Variants in EPHA7 observed in about 807,000 individuals in gnomAD.
The protein encoded by EPHA7 is EPH receptor A7.
In EPHA7, 25 loss-of-function variants were observed where a neutral mutation model predicts 112.6. The ratio of observed to expected loss-of-function variants is 0.22; its 90% confidence interval spans 0.16 to 0.31. The LOEUF (loss-of-function observed/expected upper bound fraction) is 0.31. EPHA7 is among the 10% of genes least tolerant of loss of function. The pLI is 1.00. For synonymous variants in EPHA7, 437 were observed against 406.5 expected, an observed-to-expected ratio of 1.07 and a Z score of -0.90; for missense variants, 962 against 1,212.6, an observed-to-expected ratio of 0.79 and a Z score of 3.07.
At chr6:93,395,847 A>C (rs1319809917) in intron 3 of EPHA7, among the ~76,000 whole-genome samples, 1 of 151,796 alleles carries the variant, frequency 6.6e-6, no homozygotes, top group Non-Finnish European at 1.5e-5. Context: ...TCTCCTCTGA[A>C]AGTGTCATAG....
At chr6:93,279,179 C>A (rs773549633) in intron 5 of EPHA7, among the ~76,000 whole-genome samples, 5 of 152,138 alleles carry the variant, frequency 3.3e-5, no homozygotes, top group Non-Finnish European at 7.4e-5. Context: ...AGCAACCACT[C>A]TTAGCAATTT....
At chr6:93,306,261 T>C (rs1773252649) in intron 5 of EPHA7, among the ~76,000 whole-genome samples, 1 of 151,980 alleles carries the variant, frequency 6.6e-6, no homozygotes, top group South Asian at 2.1e-4. Context: ...ATTGAGAAGT[T>C]TACATTTTAT....
At chr6:93,293,586 C>G (rs138533516) in intron 5 of EPHA7, among the ~76,000 whole-genome samples, 83 of 152,198 alleles carry the variant, frequency 5.5e-4, no homozygotes, top group African/African-American at 1.8e-3. Flanking sequence ...ACACTGGTAT[C>G]AAACAACTTT....
At chr6:93,354,721 C>T (rs569382412) in intron 5 of EPHA7, among the ~76,000 whole-genome samples, 9 of 150,950 alleles carry the variant, frequency 6.0e-5, no homozygotes, top group East Asian at 3.9e-4. Flanking sequence ...ATAACAACTG[C>T]GAAATATTTG....
At chr6:93,415,473 T>C (rs1298733441) in intron 1 of EPHA7, among the ~76,000 whole-genome samples, 2 of 152,028 alleles carry the variant, frequency 1.3e-5, no homozygotes, top group East Asian at 3.8e-4. Flanking sequence ...TTTTATGCTA[T>C]CAAAAAGCAT....
chr6:93,280,283 T>C (rs969349301), intron 5 of EPHA7, among the ~76,000 whole-genome samples: 2 of 152,186 alleles, frequency 1.3e-5, no homozygotes, highest in African/African-American at 4.8e-5. Context: ...CAGCATTTGG[T>C]TGGTATATAG....
intron 5 of EPHA7, among the ~76,000 whole-genome samples, chr6:93,329,499 T>G (rs1292095135): frequency 6.6e-6 from 1 of 151,336 alleles, no homozygotes; most frequent in Non-Finnish European, 1.5e-5. Flanking sequence ...TCACACCTAA[T>G]AAAGAACATG....
intron 3 of EPHA7, among the ~76,000 whole-genome samples, chr6:93,389,531 C>CA (rs1225477482): frequency 6.6e-6 from 1 of 151,864 alleles, no homozygotes; most frequent in Non-Finnish European, 1.5e-5. Flanking sequence ...AAATATGTCT[C>CA]AAAAAGTCTC....
At chr6:93,311,379 T>C (rs1773534075) in intron 5 of EPHA7, among the ~76,000 whole-genome samples, 1 of 152,146 alleles carries the variant, frequency 6.6e-6, no homozygotes, top group Non-Finnish European at 1.5e-5. Context: ...AGTCCTTCTT[T>C]GTCATTTCAA....
At chr6:93,278,000 C>G (rs1771550901) in intron 5 of EPHA7, among the ~76,000 whole-genome samples, 1 of 151,982 alleles carries the variant, frequency 6.6e-6, no homozygotes, top group African/African-American at 2.4e-5. Flanking sequence ...CACCACTTCA[C>G]AATTTGATCA....
chr6:93,357,171 A>T (rs1562121073), intron 4 of EPHA7, 119 bp from the exon 5 acceptor site: 1 of 714,548 alleles, frequency 1.4e-6, no homozygotes, highest in Non-Finnish European at 2.2e-6. Flanking sequence ...CCAAAGAGAA[A>T]ACGAGTTGAA....
intron 3 of EPHA7, among the ~76,000 whole-genome samples, chr6:93,386,408 T>G (rs1391330616): frequency 6.6e-6 from 1 of 152,162 alleles, no homozygotes; most frequent in Non-Finnish European, 1.5e-5. Flanking sequence ...AGCCTTAAAG[T>G]TCCAAAATGA....
At chr6:93,379,131 C>T (rs1286993393) in intron 3 of EPHA7, among the ~76,000 whole-genome samples, 1 of 151,964 alleles carries the variant, frequency 6.6e-6, no homozygotes, top group African/African-American at 2.4e-5. Flanking sequence ...TTATGTTACA[C>T]ATGGGATAGT....
rs372455241 is a variant in EPHA7 at position 93,302,371 on chromosome 6, G to A, written c.1325-29949C>T. Among the ~76,000 whole-genome samples the A allele has an allele frequency of 5.3e-5, 8 of 152,000 alleles. No individual in the cohort carries two copies. The South Asian group carries it at 1.2e-3, about 24-fold the overall frequency. On this transcript the variant is annotated intron_variant, in intron 5 of 16. Transcript: ENST00000369303. ...TGACTCCTGGGTTCTTTGACCTCTC[G>A]TTCTTCAGTGTTCATGTCTCCAAAT...
chr6:93,252,277 AG>A (rs1770251444), intron 14 of EPHA7, among the ~76,000 whole-genome samples: 1 of 151,930 alleles, frequency 6.6e-6, no homozygotes, highest in African/African-American at 2.4e-5. Flanking sequence ...TTAAAATCTG[AG>A]GCATTTAAAA....
chr6:93,307,224 T>C (rs1773302598), intron 5 of EPHA7, among the ~76,000 whole-genome samples: 2 of 151,806 alleles, frequency 1.3e-5, no homozygotes, highest in African/African-American at 4.8e-5. Context: ...AATGTGACAA[T>C]ATGTGGTACC....
At position 93,333,572 on chromosome 6, in the gene EPHA7, C is replaced by T. The variant is rs1190892873; in HGVS notation, c.1324+23145G>A. Among the ~76,000 whole-genome samples the T allele has an allele frequency of 2.6e-5, 4 of 151,820 alleles. No homozygotes were observed. The East Asian group carries it at 5.8e-4, about 22-fold the overall frequency. ...TTTTTTGAGTTTTTAATGATATCAT[C>T]CTGACTGTTGGGAGATCTCATTGCA... On this transcript the variant is annotated intron_variant, in intron 5 of 16. Coordinates refer to ENST00000369303, the MANE Select transcript of EPHA7 (RefSeq NM_004440.4).
At chr6:93,363,094 C>T (rs769351458) in intron 3 of EPHA7, among the ~76,000 whole-genome samples, 1 of 152,096 alleles carries the variant, frequency 6.6e-6, no homozygotes, top group African/African-American at 2.4e-5. Context: ...CTTGGCTATC[C>T]TCCATGGCTG....
chr6:93,272,220 C>T, intron 6 of EPHA7, 78 bp downstream of exon 6: 1 of 1,524,116 alleles, frequency 6.6e-7, no homozygotes, highest in Non-Finnish European at 8.9e-7. Context: ...GGCATAATGA[C>T]CAACTTTAGT....
Sources: gnomAD v4.1 joint callset for allele counts (sites outside exome capture counted in the v4.1 genomes callset) on GRCh38, gnomAD v4.1.1 for gene constraint, MANE v1.5 for transcripts, NCBI Gene and HGNC (gene_info 2026-07-23, HGNC 2026-07-21) for gene names.